Variants in TRIM37 observed in about 807,000 individuals in gnomAD.
TRIM37 encodes the protein E3 ubiquitin-protein ligase TRIM37.
In TRIM37, 80 loss-of-function variants were observed where a neutral mutation model predicts 129.8. That is an observed-to-expected ratio of 0.62 (90% CI 0.51 to 0.74). The LOEUF (loss-of-function observed/expected upper bound fraction) is 0.74. TRIM37 is among the 30% of genes least tolerant of loss of function. The pLI, the probability that TRIM37 is intolerant of heterozygous loss-of-function variation, is 0.00. For synonymous variants in TRIM37, 389 were observed against 387.1 expected, an observed-to-expected ratio of 1.00 and a Z score of -0.06; for missense variants, 1,054 against 1,176.5, an observed-to-expected ratio of 0.90 and a Z score of 1.52.
At position 59,064,372 on chromosome 17, in the gene TRIM37, AAAAGT is replaced by A. The variant is rs386834007; in HGVS notation, c.838_842del (p.Thr280CysfsTer56). ...ACTCTTACCTGAAATTCTCTAAAAC[AAAAGT>A]AGCTGAATCGTAAGATGGCACTAAT... is the stretch of plus-strand genomic sequence containing the variant. On this transcript the variant is annotated frameshift_variant, in exon 10 of 24. Coordinates refer to ENST00000262294, the MANE Select transcript of TRIM37 (RefSeq NM_015294.6). LOFTEE classifies it high-confidence loss of function. 6.2e-7 allele frequency: 1 copy of A among 1,602,692 alleles called. No homozygotes were observed. The highest frequency in any genetic ancestry group is 8.5e-7 in the Non-Finnish European group (1 of 1,173,610).
At chr17:59,009,285 G>A (rs999079947) in intron 22 of TRIM37, among the ~76,000 whole-genome samples, 5 of 150,902 alleles carry the variant, frequency 3.3e-5, no homozygotes, top group African/African-American at 1.2e-4. Context: ...GTGCCACCAT[G>A]CCTGGCTGAT....
At chr17:59,071,039 A>G in intron 8 of TRIM37, 92 bp from the exon 9 acceptor site, 1 of 1,430,318 alleles carries the variant, frequency 7.0e-7, no homozygotes, top group Non-Finnish European at 9.6e-7. Context: ...TCTGATTATA[A>G]ACTGAAAAAA....
chr17:59,041,225 A>T (rs1420523704), intron 17 of TRIM37, among the ~76,000 whole-genome samples: 1 of 152,238 alleles, frequency 6.6e-6, no homozygotes, highest in African/African-American at 2.4e-5. Flanking sequence ...CAGGAGAAGC[A>T]GTGTTTTAGT....
intron 16 of TRIM37, among the ~76,000 whole-genome samples, chr17:59,044,322 C>T (rs139329635): frequency 9.2e-4 from 139 of 151,700 alleles, no homozygotes; most frequent in African/African-American, 3.2e-3. Context: ...AAAATAAAGC[C>T]GGCCGGGTGC....
chr17:58,990,386 G>T (rs2032256486), intron 24 of TRIM37, among the ~76,000 whole-genome samples: 1 of 151,716 alleles, frequency 6.6e-6, no homozygotes, highest in Non-Finnish European at 1.5e-5. Context: ...AGCTACTAGG[G>T]AGGCTGAGAC....
chr17:59,088,070 C>A lies in TRIM37; in HGVS notation c.281+221G>T, dbSNP rs376135173. The A allele has an allele frequency of 1.5e-5, 9 of 598,572 alleles. 1 individual carries two copies. The highest frequency in any genetic ancestry group is 4.5e-4 in the Middle Eastern group (1 of 2,242). The allele number at this position is 598,572 out of a possible 1,614,324, so 37.1% of individuals were successfully genotyped here. ...CTTTCTGTGTGGGGGGAGGGGAGGG[C>A]GAGAGGTATCTGTGTATACATGGCA... On this transcript the variant is annotated intron_variant, in intron 4 of 23. Coordinates refer to ENST00000262294, the MANE Select transcript of TRIM37 (RefSeq NM_015294.6).
At chr17:59,028,259 T>C (rs1598987416) in intron 19 of TRIM37, among the ~76,000 whole-genome samples, 156 bp downstream of exon 19, 1 of 152,232 alleles carries the variant, frequency 6.6e-6, no homozygotes, top group Admixed American at 6.5e-5. Flanking sequence ...AGTAAAAATA[T>C]ACGGAATCAA....
chr17:58,995,529 CAAAA>C (rs1221303728), downstream of TRIM37, among the ~76,000 whole-genome samples: 1 of 151,426 alleles, frequency 6.6e-6, no homozygotes, highest in African/African-American at 2.4e-5. Flanking sequence ...AGTCATAACT[CAAAA>C]ATAAATATCC....
chr17:58,984,020 C>T (rs1305937233), intron 24 of TRIM37: 4 of 152,616 alleles, frequency 2.6e-5, no homozygotes, highest in Non-Finnish European at 4.4e-5. Context: ...ATTACAGCAA[C>T]ACACACTGGG....
exon 25 of TRIM37, chr17:58,982,704 TTCAG>T (rs1471599502): frequency 1.8e-5 from 9 of 506,060 alleles, no homozygotes; most frequent in Middle Eastern, 8.6e-4. Context: ...AGTAGAGACT[TTCAG>T]TATTTGTTTT....
At chr17:58,977,719 G>T (rs867841320), downstream of TRIM37, among the ~76,000 whole-genome samples, 2 of 152,142 alleles carry the variant, frequency 1.3e-5, no homozygotes, top group Non-Finnish European at 2.9e-5. Context: ...CCTATTTGAG[G>T]ATTAAACAGG....
At chr17:59,056,330 C>T (rs1185075497) in intron 13 of TRIM37, among the ~76,000 whole-genome samples, 1 of 152,120 alleles carries the variant, frequency 6.6e-6, no homozygotes, top group East Asian at 1.9e-4. Context: ...CGGCGCACCA[C>T]TGCACCCAGC....
chr17:59,065,221 A>G (rs891049225), intron 9 of TRIM37, among the ~76,000 whole-genome samples: 1 of 152,232 alleles, frequency 6.6e-6, no homozygotes, highest in Non-Finnish European at 1.5e-5. Flanking sequence ...CTGAATTATG[A>G]AACAGATATA....
intron 19 of TRIM37, among the ~76,000 whole-genome samples, chr17:59,019,661 T>C (rs553928389): frequency 3.3e-5 from 5 of 151,976 alleles, no homozygotes; most frequent in Non-Finnish European, 7.4e-5. Flanking sequence ...TGAGCCGAGA[T>C]TGTGCCACTA....
At chr17:59,056,211 T>G (rs1243667194) in intron 13 of TRIM37, among the ~76,000 whole-genome samples, 2 of 152,030 alleles carry the variant, frequency 1.3e-5, no homozygotes, top group African/African-American at 2.4e-5. Context: ...ACCCCCTTTT[T>G]TTTTTCTTTT....
Position 59,049,297 on chromosome 17 carries a change from G to A in TRIM37, c.1411C>T (p.Arg471Ter), listed in dbSNP as rs386834001. Residue 471 changes from arginine to a stop codon, truncating the protein, a stop_gained, in exon 15 of 24, where the codon CGA becomes TGA. Transcript: ENST00000262294. LOFTEE classifies it high-confidence loss of function. ...TCAGAGCATGCAGACTTCTTAGCTC[G>A]TGTCTCCAGAGCATCATCATTTTGG... ...SPQNDDALET[R>*]AKKSACSDML... 1.9e-5 allele frequency: 30 copies of A among 1,613,962 alleles called. No individual in the cohort carries two copies. Among genetic ancestry groups the A allele is most frequent in the Admixed American group, 3.3e-5 (2 of 59,992 alleles).
chr17:59,051,970 T>C (rs1479643939), intron 13 of TRIM37, among the ~76,000 whole-genome samples: 2 of 152,118 alleles, frequency 1.3e-5, no homozygotes, highest in Non-Finnish European at 2.9e-5. Flanking sequence ...GTTCCCGTAT[T>C]TCCTGCCCCT....
chr17:59,021,509 A>T (rs538451494), intron 19 of TRIM37, among the ~76,000 whole-genome samples: 11 of 152,312 alleles, frequency 7.2e-5, no homozygotes, highest in Admixed American at 3.3e-4. Flanking sequence ...TCGTTATGTT[A>T]AGTGAAATAC....
chr17:59,098,414 C>T (rs1374738466), intron 2 of TRIM37, among the ~76,000 whole-genome samples: 1 of 152,126 alleles, frequency 6.6e-6, no homozygotes, highest in Non-Finnish European at 1.5e-5. Flanking sequence ...ATCTGTAATC[C>T]TAGCACTTGG....
Sources: allele counts gnomAD v4.1 joint callset (sites outside exome capture counted in the v4.1 genomes callset), GRCh38; gene constraint gnomAD v4.1.1; transcripts MANE v1.5; gene names NCBI Gene and HGNC (gene_info 2026-07-23, HGNC 2026-07-21).